ADGRL2: variants seen among roughly 807,000 people sequenced by gnomAD.
ADGRL2 encodes calcium-independent alpha-latrotoxin receptor 2.
In ADGRL2, 44 loss-of-function variants were observed where a neutral mutation model predicts 157.4. The observed-to-expected ratio is 0.28, with a 90% CI of 0.22 to 0.36. The LOEUF is 0.36. Ranked by LOEUF, ADGRL2 falls within the 10% of genes least tolerant of loss-of-function variation. The probability of loss-of-function intolerance (pLI) is 1.00; values close to 1 mark genes in which losing one functional copy is unlikely to be tolerated. For missense variants in ADGRL2, 1,510 were observed against 1,768.9 expected, an observed-to-expected ratio of 0.85 and a Z score of 2.63; for synonymous variants, 585 against 624.7, an observed-to-expected ratio of 0.94 and a Z score of 0.95.
At chr1:81,960,988 A>C (rs756726566) in intron 11 of ADGRL2, among the ~76,000 whole-genome samples, 14 of 152,158 alleles carry the variant, frequency 9.2e-5, no homozygotes, top group Non-Finnish European at 2.1e-4. Context: ...ACCTAGGCTG[A>C]TGCCAGCTCC....
At chr1:81,426,082 A>G (rs997030951) in intron 1 of ADGRL2, among the ~76,000 whole-genome samples, 1 of 152,160 alleles carries the variant, frequency 6.6e-6, no homozygotes, top group African/African-American at 2.4e-5. Flanking sequence ...TTCAGAAATG[A>G]AGACTCAAAG....
chr1:81,789,852 T>G (rs1055780145), intron 2 of ADGRL2, among the ~76,000 whole-genome samples: 1 of 152,152 alleles, frequency 6.6e-6, no homozygotes, highest in Non-Finnish European at 1.5e-5. Flanking sequence ...AAATTTCTGG[T>G]GATCTGGCAG....
At position 81,634,524 on chromosome 1, in the gene ADGRL2, TTG is replaced by T. The variant is rs200307149; in HGVS notation, c.-143+53545_-143+53546del. On this transcript the variant is annotated intron_variant, in intron 3 of 24. Transcript: ENST00000370721. The stretch of plus-strand genomic sequence containing the variant: ...AGTTAGCTATCTTGTTTTTTTTTTT[TTG>T]GTTTTTTTGTTTGTTTGTTTGTTTT... 1.0e-3 allele frequency among the ~76,000 whole-genome samples: 115 copies of T among 110,686 alleles called. 1 individual carries two copies. Among genetic ancestry groups the T allele is most frequent in the Middle Eastern group, 5.2e-3 (1 of 194 alleles). 72.6% of individuals were successfully genotyped at this position (110,686 alleles called of 152,430 possible).
At chr1:81,782,450 A>G (rs2086855860) in intron 2 of ADGRL2, among the ~76,000 whole-genome samples, 2 of 152,238 alleles carry the variant, frequency 1.3e-5, no homozygotes, top group Non-Finnish European at 2.9e-5. Context: ...TACTTTAAAA[A>G]ATTAATTATA....
intron 3 of ADGRL2, among the ~76,000 whole-genome samples, chr1:81,922,337 C>T (rs2095001333): frequency 6.6e-6 from 1 of 152,074 alleles, no homozygotes; most frequent in Non-Finnish European, 1.5e-5. Flanking sequence ...GAGTGAATTC[C>T]CTCCTTTCAC....
At position 81,811,626 on chromosome 1, in the gene ADGRL2, CAT is replaced by C. The variant is rs2089879147; in HGVS notation, c.-101+10561_-101+10562del. Among the ~76,000 whole-genome samples, 3 of 151,506 alleles carry C rather than the reference CAT, an allele frequency of 2.0e-5. No individual in the cohort carries two copies. In the South Asian group the frequency reaches 6.2e-4, roughly 31 times the overall value. ...ACAAATCTAAAACAAATTCTGAAAA[CAT>C]ATTACAGAAGGGTAAAGAGCATTTT... is the stretch of plus-strand genomic sequence containing the variant. On this transcript the variant is annotated intron_variant, in intron 1 of 23. Transcript: ENST00000686636.
At chr1:81,599,782 A>T (rs546195069) in intron 3 of ADGRL2, among the ~76,000 whole-genome samples, 37 of 152,164 alleles carry the variant, frequency 2.4e-4, no homozygotes, top group Non-Finnish European at 4.3e-4. Flanking sequence ...AGCTTAAGTG[A>T]TGTCCATTTA....
intron 1 of ADGRL2, among the ~76,000 whole-genome samples, chr1:81,404,947 G>A (rs1386869127): frequency 6.6e-6 from 1 of 152,094 alleles, no homozygotes. Context: ...CTATAAATAT[G>A]GCTTTTAGCA....
chr1:81,571,459 A>G (rs2080691273), intron 2 of ADGRL2, among the ~76,000 whole-genome samples: 2 of 149,376 alleles, frequency 1.3e-5, no homozygotes, highest in African/African-American at 4.9e-5. Context: ...ACACATATAT[A>G]TATATGGTAG....
chr1:81,629,398 A>G (rs555171065), intron 3 of ADGRL2, among the ~76,000 whole-genome samples: 12 of 152,290 alleles, frequency 7.9e-5, no homozygotes, highest in African/African-American at 2.6e-4. Context: ...TTTTCAAACT[A>G]ATGGTTACAA....
At chr1:81,538,415 T>C (rs946220165) in intron 2 of ADGRL2, among the ~76,000 whole-genome samples, 1 of 152,202 alleles carries the variant, frequency 6.6e-6, no homozygotes, top group Non-Finnish European at 1.5e-5. Context: ...GTCATCATCT[T>C]TGTCATTAGC....
rs1324244995 is a variant in ADGRL2, at chr1:81,441,506, T to C, written c.-301-3530T>C. 1.3e-5 allele frequency among the ~76,000 whole-genome samples: 2 copies of C among 151,958 alleles called. 1 individual carries two copies. The highest frequency in any genetic ancestry group is 3.9e-4 in the East Asian group (2 of 5,164). On this transcript the variant is annotated intron_variant, in intron 1 of 24. Transcript: ENST00000370721. ...GCCCAAACTGAATATTCAATTTTTG[T>C]TTGTTTGTTTGTTTTTGGGTTTTTT...
At chr1:81,654,768 T>C (rs755080406) in intron 3 of ADGRL2, among the ~76,000 whole-genome samples, 3 of 152,200 alleles carry the variant, frequency 2.0e-5, no homozygotes, top group Non-Finnish European at 4.4e-5. Context: ...TCTAAATCTA[T>C]GAAGTAGATG....
intron 3 of ADGRL2, among the ~76,000 whole-genome samples, chr1:81,648,706 A>G (rs2082357852): frequency 6.6e-6 from 1 of 152,176 alleles, no homozygotes. Flanking sequence ...TATATGTTAC[A>G]TAGTGACATT....
intron 1 of ADGRL2, among the ~76,000 whole-genome samples, chr1:81,408,603 G>C (rs960315772): frequency 2.0e-5 from 3 of 152,316 alleles, no homozygotes; most frequent in South Asian, 2.1e-4. Context: ...AAAAATGTCA[G>C]CTCCATAGAT....
intron 3 of ADGRL2, among the ~76,000 whole-genome samples, chr1:81,919,072 A>G (rs1394266232): frequency 6.6e-6 from 1 of 152,166 alleles, no homozygotes; most frequent in African/African-American, 2.4e-5. Context: ...TCCCCTGGAC[A>G]TTCACAGGTT....
At chr1:81,859,995 C>T (rs1192691673) in intron 2 of ADGRL2, among the ~76,000 whole-genome samples, 2 of 151,770 alleles carry the variant, frequency 1.3e-5, no homozygotes, top group Admixed American at 6.6e-5. Context: ...GAGGCCGAGG[C>T]GGGCGAATCA....
chr1:81,815,255 G>A (rs2090280561), intron 1 of ADGRL2, among the ~76,000 whole-genome samples: 1 of 151,758 alleles, frequency 6.6e-6, no homozygotes, highest in Non-Finnish European at 1.5e-5. Flanking sequence ...AAGCGGAAAG[G>A]TAGTTGTTAA....
chr1:81,795,489 T>C (rs763480740), upstream of ADGRL2, among the ~76,000 whole-genome samples: 9 of 152,224 alleles, frequency 5.9e-5, no homozygotes, highest in Non-Finnish European at 1.2e-4. Context: ...ATGAAAACTT[T>C]AATGTATGAA....
Sources: gnomAD v4.1 joint callset for allele counts (sites outside exome capture counted in the v4.1 genomes callset) on GRCh38, gnomAD v4.1.1 for gene constraint, MANE v1.5 for transcripts, NCBI Gene and HGNC (gene_info 2026-07-23, HGNC 2026-07-21) for gene names.